The following CSMD3 variants were observed in gnomAD, a reference collection of about 807,000 sequenced individuals.
CSMD3 encodes the protein CUB and sushi domain-containing protein 3.
CSMD3 carries 177 observed loss-of-function variants against 435.2 expected under a neutral mutation model. The observed-to-expected ratio is 0.41, with a 90% CI of 0.36 to 0.46. The LOEUF is 0.46. Ranked by LOEUF, CSMD3 falls within the 20% of genes least tolerant of loss-of-function variation. The pLI is 0.34. For missense variants in CSMD3, 4,265 were observed against 4,504.6 expected, an observed-to-expected ratio of 0.95 and a Z score of 1.52; for synonymous variants, 1,656 against 1,520.5, an observed-to-expected ratio of 1.09 and a Z score of -2.07.
chr8:112,850,530 G>A (rs1405201391), intron 11 of CSMD3, among the ~76,000 whole-genome samples: 1 of 152,094 alleles, frequency 6.6e-6, no homozygotes, highest in African/African-American at 2.4e-5. Flanking sequence ...ATGTTAATGA[G>A]TGAAACAATT....
chr8:112,552,861 T>C, intron 25 of CSMD3, 141 bp from the exon 26 acceptor site: 1 of 702,896 alleles, frequency 1.4e-6, no homozygotes, highest in South Asian at 1.7e-5. Context: ...TTTTAAAGTA[T>C]CAATTGAAGC....
intron 6 of CSMD3, among the ~76,000 whole-genome samples, chr8:112,999,148 C>T (rs895932203): frequency 1.3e-5 from 2 of 151,738 alleles, no homozygotes; most frequent in Admixed American, 1.3e-4. Flanking sequence ...AGTCAGATAT[C>T]CCTGTCTTTA....
intron 1 of CSMD3, among the ~76,000 whole-genome samples, chr8:113,394,019 T>TG: frequency 6.6e-6 from 1 of 152,242 alleles, no homozygotes; most frequent in Middle Eastern, 3.4e-3. Flanking sequence ...GATGGATACT[T>TG]GCAGCTTAAA....
intron 4 of CSMD3, among the ~76,000 whole-genome samples, chr8:113,138,825 G>GTGTGTGTC (rs2091479576): frequency 6.6e-6 from 1 of 150,770 alleles, no homozygotes; most frequent in Admixed American, 6.7e-5. Context: ...GTGTGTGTGT[G>GTGTGTGTC]TGTGTGTGTG....
chr8:112,547,152 A>C (rs1563687060), intron 27 of CSMD3, among the ~76,000 whole-genome samples: 1 of 152,210 alleles, frequency 6.6e-6, no homozygotes, highest in African/African-American at 2.4e-5. Flanking sequence ...TTGTAGGAGC[A>C]TCCTGGTTTG....
intron 10 of CSMD3, among the ~76,000 whole-genome samples, chr8:112,867,785 G>A (rs546946707): frequency 4.9e-4 from 74 of 152,234 alleles, no homozygotes; most frequent in Admixed American, 1.0e-3. Flanking sequence ...GTTGCTCAAG[G>A]TAAGTCAGAG....
chr8:112,262,040 C>T (rs1354543693), intron 61 of CSMD3, among the ~76,000 whole-genome samples: 2 of 151,836 alleles, frequency 1.3e-5, no homozygotes, highest in Non-Finnish European at 2.9e-5. Context: ...TATTTTTTCA[C>T]TTTTTCATTT....
chr8:112,870,268 G>C (rs1464731921), intron 10 of CSMD3, among the ~76,000 whole-genome samples: 1 of 148,426 alleles, frequency 6.7e-6, no homozygotes, highest in African/African-American at 2.5e-5. Context: ...CAGTCAGAAT[G>C]GCTATTTTTT....
At chr8:112,523,303 C>T (rs1824499116) in intron 27 of CSMD3, among the ~76,000 whole-genome samples, 1 of 151,876 alleles carries the variant, frequency 6.6e-6, no homozygotes, top group African/African-American at 2.4e-5. Context: ...ATTTCATCTG[C>T]TTTATTTAGA....
At chr8:113,073,032 G>GA (rs56882045) in intron 5 of CSMD3, among the ~76,000 whole-genome samples, 69,863 of 149,798 alleles carry the variant, frequency 0.47, 18,359 homozygotes, top group East Asian at 0.88. Context: ...AAAACCTTCA[G>GA]AAAAAAAAAT....
chr8:112,508,351 C>T (rs1254591872), intron 28 of CSMD3, among the ~76,000 whole-genome samples: 1 of 152,114 alleles, frequency 6.6e-6, no homozygotes, highest in African/African-American at 2.4e-5. Context: ...TCTTTGTCAC[C>T]CTCTTGTTTA....
chr8:113,334,066 C>T (rs1388074266), intron 1 of CSMD3, among the ~76,000 whole-genome samples: 1 of 151,820 alleles, frequency 6.6e-6, no homozygotes, highest in Non-Finnish European at 1.5e-5. Context: ...TACATGTTCA[C>T]TGCTACTATA....
chr8:113,267,439 GC>G (rs1221842947), intron 3 of CSMD3, among the ~76,000 whole-genome samples: 1 of 151,736 alleles, frequency 6.6e-6, no homozygotes, highest in Non-Finnish European at 1.5e-5. Flanking sequence ...CATGCCATTT[GC>G]AGCAACATCG....
At chr8:112,988,912 G>C (rs978785400) in intron 6 of CSMD3, among the ~76,000 whole-genome samples, 1 of 151,934 alleles carries the variant, frequency 6.6e-6, no homozygotes, top group African/African-American at 2.4e-5. Flanking sequence ...GTAGGCAGCA[G>C]GTACCATGAA....
At position 113,019,139 on chromosome 8, in the gene CSMD3, T is replaced by C; in HGVS notation, c.958A>G (p.Lys320Glu). Residue 320 changes from lysine (K) to glutamate (E), a missense_variant, in exon 6 of 71, where the codon AAA (lysine) becomes GAA (glutamate). Transcript: ENST00000297405. ...MNIPPPIISN[K>E]NWLRLHFVTD... ...ACAAAATGCAGTCTGAGCCAGTTTTTGTTGCTGATAATTGGTGGTGGTATA... is the reference window on the plus strand; with the variant it reads ...ACAAAATGCAGTCTGAGCCAGTTTTCGTTGCTGATAATTGGTGGTGGTATA... 1 of 1,613,766 alleles carries C rather than the reference T, an allele frequency of 6.2e-7. No homozygotes were observed. Among genetic ancestry groups the C allele is most frequent in the South Asian group, 1.1e-5 (1 of 91,082 alleles).
At chr8:112,624,867 G>A (rs1834355920) in intron 22 of CSMD3, among the ~76,000 whole-genome samples, 1 of 151,882 alleles carries the variant, frequency 6.6e-6, no homozygotes, top group Non-Finnish European at 1.5e-5. Flanking sequence ...TCACAAATGA[G>A]ATGCCCATTA....
chr8:112,954,663 A>G (rs1021059226), intron 8 of CSMD3, 21 bp downstream of exon 8: 2 of 1,513,036 alleles, frequency 1.3e-6, no homozygotes, highest in Non-Finnish European at 1.8e-6. Flanking sequence ...AGAGAAAGTA[A>G]CAAAAAAGAA....
chr8:113,213,708 T>C (rs563304485), intron 3 of CSMD3, among the ~76,000 whole-genome samples: 1 of 152,060 alleles, frequency 6.6e-6, no homozygotes, highest in Admixed American at 6.6e-5. Context: ...ATTACAATGA[T>C]TTTATAATTT....
rs184205714 is a variant in CSMD3, at chr8:113,092,941, A to C, written c.917+5815T>G. Among the ~76,000 whole-genome samples, 102 of 152,256 alleles carry C rather than the reference A, an allele frequency of 6.7e-4. 3 individuals are homozygous for C. The East Asian group carries it at 0.016, about 24-fold the overall frequency. ...TTTTATTCATAGTTAAACCTAATCC[A>C]AACTAATTTATGTAACTTCAGTCAA... On this transcript the variant is annotated intron_variant, in intron 5 of 70. Transcript: ENST00000297405.
Sources: gnomAD v4.1 joint callset for allele counts (sites outside exome capture counted in the v4.1 genomes callset) on GRCh38, gnomAD v4.1.1 for gene constraint, MANE v1.5 for transcripts, NCBI Gene and HGNC (gene_info 2026-07-23, HGNC 2026-07-21) for gene names.